Variants in PIEZO2 observed in about 807,000 individuals in gnomAD.
The protein encoded by PIEZO2 is piezo-type mechanosensitive ion channel component 2.
A neutral mutation model predicts 337.3 loss-of-function variants in PIEZO2; 172 were observed. That is an observed-to-expected ratio of 0.51 (90% CI 0.45 to 0.58). The LOEUF is 0.58. Among genes scored for constraint, PIEZO2 ranks in the 20% least tolerant of loss-of-function variants. PIEZO2 has a pLI of 0.00. For synonymous variants in PIEZO2, 1,251 were observed against 1,228.5 expected (o/e 1.02, Z -0.38); for missense variants, 3,028 against 3,391.3 (o/e 0.89, Z 2.66).
In PIEZO2 at chr18:11,111,489, G is replaced by A. The variant is rs2039731477; in HGVS notation, c.64+37036C>T. Among the ~76,000 whole-genome samples the A allele has an allele frequency of 6.6e-6, 1 of 152,178 alleles. No individual in the cohort carries two copies. The highest frequency in any genetic ancestry group is 2.4e-5 in the African/African-American group (1 of 41,434). On this transcript the variant is annotated intron_variant, in intron 1 of 55. Coordinates refer to ENST00000674853, the MANE Select transcript of PIEZO2 (RefSeq NM_001378183.1). This position sits in a 1 kb window ranked among gnomAD's most constrained non-coding sequence, Gnocchi z 6.2. ...GTGGCAACAATAGGCTGCCCCTTCT[G>A]GAGAAGCATGCACCACCCAGTGGCC...
chr18:10,704,982 C>T (rs767052377), intron 41 of PIEZO2, among the ~76,000 whole-genome samples: 3 of 152,338 alleles, frequency 2.0e-5, no homozygotes, highest in Non-Finnish European at 4.4e-5. Context: ...TGAGCCACTG[C>T]GCCCGGCCAT....
intron 2 of PIEZO2, among the ~76,000 whole-genome samples, chr18:11,018,480 T>G (rs531485188): frequency 6.0e-5 from 9 of 150,166 alleles, no homozygotes; most frequent in Admixed American, 1.3e-4. Context: ...TAACATATGA[T>G]TCCTGATCTG....
At chr18:11,090,660 A>T (rs1421907354) in intron 1 of PIEZO2, among the ~76,000 whole-genome samples, 4 of 152,166 alleles carry the variant, frequency 2.6e-5, no homozygotes, top group African/African-American at 9.7e-5. Flanking sequence ...TCACAAACAC[A>T]TCCCCCACTT....
rs751557642 is a variant in PIEZO2 at position 10,677,730 on chromosome 18, G to A, written c.8081+17C>T. 1.2e-6 allele frequency: 2 copies of A among 1,604,948 alleles called. No homozygotes were observed. The highest frequency in any genetic ancestry group is 1.7e-5 in the Admixed American group (1 of 57,716). ...TATACCTAACAAAGCTCTATTAGTA[G>A]GAAAAAATACACTTACACTGGTGTT... On this transcript the variant is annotated intron_variant, in intron 53 of 55. Transcript: ENST00000674853. The surrounding 1 kb of genome is among the most constrained non-coding windows in gnomAD (Gnocchi z 4.1).
In PIEZO2 at chr18:11,096,835, T is replaced by G. The variant is rs1226696383; in HGVS notation, c.65-30613A>C. On this transcript the variant is annotated intron_variant, in intron 1 of 55. Coordinates refer to ENST00000674853, the MANE Select transcript of PIEZO2 (RefSeq NM_001378183.1). The surrounding 1 kb of genome is among the most constrained non-coding windows in gnomAD (Gnocchi z 4.6). Reference sequence around the variant, plus strand: ...TTCCTGCTGCCCACTGCCAGCAAAATGGGAACAACATGGACTTCAGGGGGG... The same window carrying G: ...TTCCTGCTGCCCACTGCCAGCAAAAGGGGAACAACATGGACTTCAGGGGGG... 2.0e-5 allele frequency among the ~76,000 whole-genome samples: 3 copies of G among 152,122 alleles called. No homozygotes were observed. The highest frequency in any genetic ancestry group is 2.0e-4 in the Admixed American group (3 of 15,280).
rs1382675430 is a variant in PIEZO2 at position 10,705,584 on chromosome 18, G to A, written c.5751C>T (p.Ala1917=). ...CCTCTGGGGTGAGGCTGGCCTCCTCGGCACCCATGGCTCCCACATCGTACC... is the reference window on the plus strand; with the variant it reads ...CCTCTGGGGTGAGGCTGGCCTCCTCAGCACCCATGGCTCCCACATCGTACC... ...ATGYDVGAMG[A]EEASLTPEEE... Residue 1917 remains alanine, a synonymous_variant, in exon 41 of 56, where the codon GCC becomes GCT. Coordinates refer to ENST00000674853, the MANE Select transcript of PIEZO2 (RefSeq NM_001378183.1). 15 of 1,537,166 alleles carry A rather than the reference G, an allele frequency of 9.8e-6. No homozygotes were observed. The highest frequency in any genetic ancestry group is 1.2e-5 in the Non-Finnish European group (14 of 1,146,886).
At chr18:10,938,534 A>G (rs919987151) in intron 3 of PIEZO2, among the ~76,000 whole-genome samples, 7 of 152,228 alleles carry the variant, frequency 4.6e-5, no homozygotes, top group African/African-American at 9.6e-5. Context: ...TTTAGCTTGT[A>G]GTTTTAATTA....
intron 3 of PIEZO2, among the ~76,000 whole-genome samples, chr18:10,967,718 T>C (rs540442229): frequency 6.6e-6 from 1 of 152,318 alleles, no homozygotes; most frequent in South Asian, 2.1e-4. Flanking sequence ...TTTCATATGT[T>C]TGTTGGCCAT....
intron 1 of PIEZO2, among the ~76,000 whole-genome samples, chr18:11,134,190 G>T (rs551482307): frequency 6.6e-6 from 1 of 152,182 alleles, no homozygotes; most frequent in Non-Finnish European, 1.5e-5. Context: ...GTCATGAGGC[G>T]GTGGCGAGGA....
Position 10,859,873 on chromosome 18 carries a change from G to A in PIEZO2, c.493-2662C>T, listed in dbSNP as rs2041827857. On this transcript the variant is annotated intron_variant, in intron 5 of 55. Coordinates refer to ENST00000674853, the MANE Select transcript of PIEZO2 (RefSeq NM_001378183.1). The surrounding 1 kb of genome is among the most constrained non-coding windows in gnomAD (Gnocchi z 4.9). ...GAGGTGGTGGCTGTGCTGGAGGAGA[G>A]GGGAGGGAGTGGTGGGGCTGAAGTG... 1.3e-5 allele frequency among the ~76,000 whole-genome samples: 2 copies of A among 152,164 alleles called. No individual in the cohort carries two copies. The highest frequency in any genetic ancestry group is 2.1e-4 in the South Asian group (1 of 4,824).
chr18:11,063,605 T>C (rs1355269728), intron 2 of PIEZO2, among the ~76,000 whole-genome samples: 1 of 152,146 alleles, frequency 6.6e-6, no homozygotes, highest in Non-Finnish European at 1.5e-5. Flanking sequence ...CACGGAGCCA[T>C]GCTTACATGT....
intron 1 of PIEZO2, among the ~76,000 whole-genome samples, chr18:11,136,011 C>T (rs2040473407): frequency 6.6e-6 from 1 of 152,182 alleles, no homozygotes; most frequent in African/African-American, 2.4e-5. Flanking sequence ...TGGAAGGATA[C>T]ATCCTTACTC....
At chr18:10,708,132 T>C (rs767475868) in intron 40 of PIEZO2, 143 bp downstream of exon 40, 1 of 152,204 alleles carries the variant, frequency 6.6e-6, no homozygotes, top group Non-Finnish European at 1.5e-5. Flanking sequence ...AGGGCAGTGG[T>C]GATTATGCTT....
intron 2 of PIEZO2, among the ~76,000 whole-genome samples, chr18:10,981,447 C>T (rs758794277): frequency 2.6e-5 from 4 of 151,996 alleles, no homozygotes; most frequent in Non-Finnish European, 4.4e-5. Flanking sequence ...TGTAATTCAC[C>T]GTATTAGCAG....
chr18:10,687,217 ATCATC>A (rs2034583645), intron 49 of PIEZO2, among the ~76,000 whole-genome samples: 1 of 152,124 alleles, frequency 6.6e-6, no homozygotes. Flanking sequence ...TGTTGCACAG[ATCATC>A]CCATCACCTA....
At position 10,824,574 on chromosome 18, in the gene PIEZO2, A is replaced by G. The variant is rs1055342157; in HGVS notation, c.918-17300T>C. On this transcript the variant is annotated intron_variant, in intron 7 of 55. Transcript: ENST00000674853. The surrounding 1 kb of genome is among the most constrained non-coding windows in gnomAD (Gnocchi z 4.4). Reference sequence around the variant, plus strand: ...ATATGTATATTATGGAATACTATGCATCCATTTAAAATAATAAAAAAATCC... The same window carrying G: ...ATATGTATATTATGGAATACTATGCGTCCATTTAAAATAATAAAAAAATCC... 2.6e-5 allele frequency among the ~76,000 whole-genome samples: 4 copies of G among 152,180 alleles called. No individual in the cohort carries two copies.
At chr18:10,768,699 T>C (rs1450495739) in intron 21 of PIEZO2, among the ~76,000 whole-genome samples, 5 of 152,226 alleles carry the variant, frequency 3.3e-5, no homozygotes, top group Admixed American at 1.3e-4. Flanking sequence ...TGATACTCTA[T>C]GGAAGGCTGT....
chr18:10,913,820 A>G (rs889435577), intron 3 of PIEZO2, among the ~76,000 whole-genome samples: 10 of 152,100 alleles, frequency 6.6e-5, no homozygotes, highest in Non-Finnish European at 8.8e-5. Flanking sequence ...TCTATTCACC[A>G]GAAATCAACT....
chr18:10,730,321 G>T (rs1462170712), intron 36 of PIEZO2, among the ~76,000 whole-genome samples: 1 of 152,220 alleles, frequency 6.6e-6, no homozygotes, highest in East Asian at 1.9e-4. Flanking sequence ...CAGTATGTCA[G>T]AATATTTCAT....
Sources: gnomAD v4.1 joint callset for allele counts (sites outside exome capture counted in the v4.1 genomes callset) on GRCh38, gnomAD v4.1.1 for gene constraint, Gnocchi (gnomAD v3.1) non-coding constraint, MANE v1.5 for transcripts, NCBI Gene and HGNC (gene_info 2026-07-23, HGNC 2026-07-21) for gene names.